Variants in ECE1 observed in about 807,000 individuals in gnomAD.
ECE1 encodes the protein endothelin converting enzyme 1.
In ECE1, 35 loss-of-function variants were observed where a neutral mutation model predicts 98.6. That is an observed-to-expected ratio of 0.35 (90% CI 0.27 to 0.47). The LOEUF is 0.47. Among genes scored for constraint, ECE1 ranks in the 20% least tolerant of loss-of-function variants. The pLI is 1.00. For missense variants in ECE1, 814 were observed against 1,025.3 expected, an observed-to-expected ratio of 0.79 and a Z score of 2.81; for synonymous variants, 394 against 407.1, an observed-to-expected ratio of 0.97 and a Z score of 0.39.
rs34872865 is a variant in ECE1 at position 21,322,016 on chromosome 1, G to A, written c.3+23360C>T. On this transcript the variant is annotated intron_variant, in intron 1 of 18. Coordinates refer to the ECE1 transcript ENST00000415912. The surrounding 1 kb of genome is among the most constrained non-coding windows in gnomAD (Gnocchi z 4.1). ...AAGGGGCCAGTTGGTGTGATTCCCA[G>A]GTCCGAATGAAACAGAGCTGCGTCC... Among the ~76,000 whole-genome samples the A allele has an allele frequency of 0.073, 11,144 of 152,218 alleles. 555 individuals are homozygous for A. Among genetic ancestry groups the A allele is most frequent in the Middle Eastern group, 0.14 (40 of 294 alleles).
At chr1:21,264,765 C>T (rs2098231729) in intron 4 of ECE1, among the ~76,000 whole-genome samples, 1 of 152,328 alleles carries the variant, frequency 6.6e-6, no homozygotes, top group South Asian at 2.1e-4. Flanking sequence ...TCCAGAGTAC[C>T]TGTGGCATTA....
upstream of ECE1, among the ~76,000 whole-genome samples, chr1:21,291,216 G>C (rs1467517794): frequency 6.6e-6 from 1 of 152,192 alleles, no homozygotes; most frequent in African/African-American, 2.4e-5. Context: ...TGTTCAGTTA[G>C]GGACTCAGGC....
At chr1:21,243,564 C>G (rs779094213) in intron 10 of ECE1, among the ~76,000 whole-genome samples, 2 of 152,212 alleles carry the variant, frequency 1.3e-5, no homozygotes, top group Non-Finnish European at 2.9e-5. Flanking sequence ...CTTCACCTCC[C>G]TGAGCCTCAG....
chr1:21,336,582 TGTA>T (rs1309177236), intron 1 of ECE1, among the ~76,000 whole-genome samples: 1 of 152,082 alleles, frequency 6.6e-6, no homozygotes, highest in African/African-American at 2.4e-5. Flanking sequence ...GGCTCACACC[TGTA>T]GTAATCCCAG....
At chr1:21,229,546 A>G (rs1017665475) in intron 14 of ECE1, among the ~76,000 whole-genome samples, 6 of 152,144 alleles carry the variant, frequency 3.9e-5, no homozygotes, top group Non-Finnish European at 7.4e-5. Flanking sequence ...AACTCAAGCC[A>G]TCTGTTGCCA....
chr1:21,230,271 C>T (rs1367767498), intron 14 of ECE1, among the ~76,000 whole-genome samples: 1 of 152,144 alleles, frequency 6.6e-6, no homozygotes, highest in Non-Finnish European at 1.5e-5. Flanking sequence ...AAAATTATCA[C>T]TTTTCGAGTT....
intron 8 of ECE1, among the ~76,000 whole-genome samples, chr1:21,250,874 G>A (rs1051827615): frequency 1.3e-5 from 2 of 152,238 alleles, no homozygotes; most frequent in Non-Finnish European, 2.9e-5. Context: ...GGGCATTATG[G>A]TGGACGCCTG....
chr1:21,229,795 A>G (rs1420132488), intron 14 of ECE1, among the ~76,000 whole-genome samples: 1 of 152,202 alleles, frequency 6.6e-6, no homozygotes, highest in African/African-American at 2.4e-5. Flanking sequence ...TGACTAAGAC[A>G]TGATGTTACA....
chr1:21,233,849 G>A lies in ECE1; in HGVS notation c.1567-188C>T, dbSNP rs1042010927. Among the ~76,000 whole-genome samples, 6 of 152,130 alleles carry A rather than the reference G, an allele frequency of 3.9e-5. No homozygotes were observed. The highest frequency in any genetic ancestry group is 2.1e-4 in the South Asian group (1 of 4,826). On this transcript the variant is annotated intron_variant, in intron 13 of 18. Transcript: ENST00000374893. The surrounding 1 kb of genome is among the most constrained non-coding windows in gnomAD (Gnocchi z 4.0). ...CTGGGGCACGAGATGGAATGACACC[G>A]TTGCAGGATGTGCCTACAGCAGTGC...
In ECE1 at chr1:21,307,875, C is replaced by T. The variant is rs530226379; in HGVS notation, c.4-17719G>A. Among the ~76,000 whole-genome samples, 9 of 152,328 alleles carry T rather than the reference C, an allele frequency of 5.9e-5. No individual in the cohort carries two copies. The East Asian group carries it at 1.7e-3, about 29-fold the overall frequency. On this transcript the variant is annotated intron_variant, in intron 1 of 18. Transcript: ENST00000415912. The surrounding 1 kb of genome is among the most constrained non-coding windows in gnomAD (Gnocchi z 4.2). ...TGCCCCCTTGAGAGGTTGGCCCCGC[C>T]TTGAGCATCCTTGTCAGGCAGAGAT... is the stretch of plus-strand genomic sequence containing the variant.
chr1:21,331,219 A>G (rs546252469), intron 1 of ECE1, among the ~76,000 whole-genome samples: 13 of 152,202 alleles, frequency 8.5e-5, no homozygotes, highest in African/African-American at 3.1e-4. Context: ...CCTGGCCAAC[A>G]TGGTGAAACC....
intron 1 of ECE1, among the ~76,000 whole-genome samples, chr1:21,303,628 C>A (rs1050848534): frequency 7.2e-5 from 11 of 152,216 alleles, no homozygotes; most frequent in Non-Finnish European, 1.5e-4. Context: ...AATTATTTGG[C>A]CTACGGCACT....
rs570464451 is a variant in ECE1 at position 21,233,909 on chromosome 1, C to T, written c.1567-248G>A. 5.9e-5 allele frequency among the ~76,000 whole-genome samples: 9 copies of T among 152,206 alleles called. No individual in the cohort carries two copies. Among genetic ancestry groups the T allele is most frequent in the Non-Finnish European group, 1.0e-4 (7 of 67,990 alleles). On this transcript the variant is annotated intron_variant, in intron 13 of 18. Transcript: ENST00000374893. The surrounding 1 kb of genome is among the most constrained non-coding windows in gnomAD (Gnocchi z 4.0). ...GGCAAGAAATATCTCCCATGTTGTC[C>T]AATAGAACCTCCTGCGATGATGGAT...
At chr1:21,223,761 G>A (rs1398249235) in intron 17 of ECE1, among the ~76,000 whole-genome samples, 2 of 152,084 alleles carry the variant, frequency 1.3e-5, no homozygotes, top group African/African-American at 4.8e-5. Context: ...ACCGTGCCCA[G>A]CCATTTTTAT....
intron 7 of ECE1, among the ~76,000 whole-genome samples, chr1:21,256,429 G>A (rs1010037516): frequency 6.6e-6 from 1 of 152,158 alleles, no homozygotes; most frequent in African/African-American, 2.4e-5. Flanking sequence ...AGTGGGAGGT[G>A]CCTATAATCC....
At chr1:21,243,004 T>A (rs1049049278) in intron 10 of ECE1, among the ~76,000 whole-genome samples, 1 of 152,196 alleles carries the variant, frequency 6.6e-6, no homozygotes, top group Non-Finnish European at 1.5e-5. Context: ...TAATTCCTCA[T>A]CCCTCTTCCT....
At chr1:21,316,332 G>A (rs779314654) in intron 1 of ECE1, among the ~76,000 whole-genome samples, 12 of 152,128 alleles carry the variant, frequency 7.9e-5, no homozygotes, top group Admixed American at 3.9e-4. Context: ...GCAGTGGCAC[G>A]ATCTCGGCTC....
chr1:21,227,321 A>G (rs1458168418), intron 15 of ECE1, 95 bp from the exon 16 acceptor site: 2 of 1,251,918 alleles, frequency 1.6e-6, no homozygotes, highest in South Asian at 1.2e-5. Flanking sequence ...GGGCTTAGAG[A>G]TATAGCAAAA....
intron 17 of ECE1, 75 bp from the exon 18 acceptor site, chr1:21,221,917 A>T: frequency 2.3e-6 from 3 of 1,323,132 alleles, no homozygotes; most frequent in Non-Finnish European, 3.3e-6. Flanking sequence ...TGGAGGTCTC[A>T]GGGAGCTCCC....
Sources: allele counts gnomAD v4.1 joint callset (sites outside exome capture counted in the v4.1 genomes callset), GRCh38; gene constraint gnomAD v4.1.1; non-coding constraint Gnocchi (gnomAD v3.1); transcripts MANE v1.5; gene names NCBI Gene and HGNC (gene_info 2026-07-23, HGNC 2026-07-21).